The following ACYP2 variants were observed in gnomAD, a reference collection of about 807,000 sequenced individuals.
ACYP2 encodes the protein acylphosphatase-2.
In ACYP2, 12 loss-of-function variants were observed where a neutral mutation model predicts 11.2. The observed-to-expected ratio is 1.08, with a 90% CI of 0.69 to 1.74. ACYP2 has a LOEUF of 1.74. Ranked by LOEUF, ACYP2 falls within the 40% of genes most tolerant of loss-of-function variation. The pLI, the probability that ACYP2 is intolerant of heterozygous loss-of-function variation, is 0.00. For synonymous variants in ACYP2, 43 were observed against 32.2 expected, an observed-to-expected ratio of 1.33 and a Z score of -1.13; for missense variants, 134 against 101.9, an observed-to-expected ratio of 1.31 and a Z score of -1.35.
intron 6 of ACYP2, among the ~76,000 whole-genome samples, chr2:54,154,447 TG>T (rs1363327036): frequency 1.3e-5 from 2 of 152,226 alleles, no homozygotes; most frequent in Admixed American, 1.3e-4. Flanking sequence ...TTTATTATGT[TG>T]ATATACATTT....
intron 6 of ACYP2, among the ~76,000 whole-genome samples, chr2:54,275,916 A>G (rs1250589766): frequency 1.3e-5 from 2 of 152,192 alleles, no homozygotes; most frequent in Non-Finnish European, 2.9e-5. Flanking sequence ...ATCCCTAATT[A>G]TATGTATGAT....
chr2:54,111,802 C>T (rs13394575), intron 4 of ACYP2, among the ~76,000 whole-genome samples: 36,294 of 152,062 alleles, frequency 0.24, 4,939 homozygotes, highest in African/African-American at 0.37. Flanking sequence ...AGAAATATGC[C>T]GATGGATAAA....
chr2:54,209,348 T>C (rs1156653433), intron 6 of ACYP2, among the ~76,000 whole-genome samples: 1 of 152,190 alleles, frequency 6.6e-6, no homozygotes, highest in East Asian at 1.9e-4. Flanking sequence ...CTCTGGAAAA[T>C]TTGAATACCC....
In ACYP2 at chr2:54,077,698, A is replaced by G. The variant is rs77126418; in HGVS notation, c.277+20338A>G. 2.4e-3 allele frequency among the ~76,000 whole-genome samples: 362 copies of G among 152,326 alleles called. 7 individuals carry two copies. The East Asian group carries it at 0.066, about 28-fold the overall frequency. ...TCAAGGAGGCTAGAAAGTACAGAAT[A>G]GGGGAATAATCTGTGTGGGAGTTTG... is the stretch of plus-strand genomic sequence containing the variant. On this transcript the variant is annotated intron_variant, in intron 4 of 6. Coordinates refer to ENST00000607452, the MANE Select transcript of ACYP2 (RefSeq NM_001320586.2).
intron 6 of ACYP2, among the ~76,000 whole-genome samples, chr2:54,172,591 T>A (rs1037038270): frequency 2.9e-4 from 44 of 152,148 alleles, no homozygotes; most frequent in Non-Finnish European, 5.1e-4. Context: ...ACTCTACTAA[T>A]CTCTTTTTTC....
intron 2 of ACYP2, among the ~76,000 whole-genome samples, chr2:53,983,701 G>T (rs1310790508): frequency 6.6e-6 from 1 of 152,160 alleles, no homozygotes. Flanking sequence ...AGCTGCTTCA[G>T]ATATATCAAT....
At chr2:54,025,400 A>T (rs900941803) in intron 2 of ACYP2, among the ~76,000 whole-genome samples, 13 of 152,226 alleles carry the variant, frequency 8.5e-5, no homozygotes, top group African/African-American at 3.1e-4. Context: ...CCAGCAGAAC[A>T]GAATAGAGAA....
intron 6 of ACYP2, among the ~76,000 whole-genome samples, chr2:54,302,606 T>A (rs1689769262): frequency 6.6e-6 from 1 of 152,208 alleles, no homozygotes; most frequent in South Asian, 2.1e-4. Context: ...CCAAATTTTA[T>A]ATCCTCTAAC....
intron 4 of ACYP2, among the ~76,000 whole-genome samples, chr2:54,096,332 G>T (rs1472415463): frequency 7.0e-6 from 1 of 143,640 alleles, no homozygotes; most frequent in East Asian, 2.2e-4. Context: ...GGGCAGAGAC[G>T]CTCCTCACTT....
At chr2:54,000,065 T>C (rs913063815) in intron 2 of ACYP2, among the ~76,000 whole-genome samples, 25 of 152,106 alleles carry the variant, frequency 1.6e-4, no homozygotes, top group Admixed American at 1.6e-3. Flanking sequence ...ATTATATTAA[T>C]TTACTATCTG....
chr2:53,974,511 C>T (rs146600575), intron 2 of ACYP2, among the ~76,000 whole-genome samples: 1 of 152,048 alleles, frequency 6.6e-6, no homozygotes, highest in African/African-American at 2.4e-5. Flanking sequence ...ATTGAAGAAG[C>T]CTTAGAGTAG....
chr2:54,107,438 A>T (rs1679224888), intron 4 of ACYP2, among the ~76,000 whole-genome samples: 1 of 152,088 alleles, frequency 6.6e-6, no homozygotes, highest in South Asian at 2.1e-4. Context: ...GAAAATTTTA[A>T]TGCTCCTCTA....
intron 6 of ACYP2, among the ~76,000 whole-genome samples, chr2:54,174,701 C>G (rs1430888849): frequency 6.6e-6 from 1 of 152,150 alleles, no homozygotes; most frequent in Non-Finnish European, 1.5e-5. Flanking sequence ...TATTTTCCAT[C>G]AATACCTAGT....
chr2:54,014,620 C>T (rs1205598561), intron 2 of ACYP2, among the ~76,000 whole-genome samples: 5 of 152,058 alleles, frequency 3.3e-5, no homozygotes, highest in Non-Finnish European at 2.9e-5. Context: ...CGCTCCCAGC[C>T]GTCCCCTATG....
chr2:54,005,379 TC>T (rs1673011444), intron 2 of ACYP2, among the ~76,000 whole-genome samples: 1 of 151,984 alleles, frequency 6.6e-6, no homozygotes, highest in South Asian at 2.1e-4. Context: ...TTATTCTGTT[TC>T]CCAGGCTGGA....
At chr2:54,137,533 A>G (rs1379569329) in intron 5 of ACYP2, among the ~76,000 whole-genome samples, 1 of 151,584 alleles carries the variant, frequency 6.6e-6, no homozygotes, top group Non-Finnish European at 1.5e-5. Flanking sequence ...AACATGCAAT[A>G]TTTGGTTTCT....
intron 4 of ACYP2, among the ~76,000 whole-genome samples, chr2:54,099,300 C>T (rs1382924897): frequency 6.6e-6 from 1 of 152,168 alleles, no homozygotes; most frequent in African/African-American, 2.4e-5. Flanking sequence ...CACTTCGAAT[C>T]TACTCTCTTA....
rs540191193 is a variant in ACYP2 at position 54,182,388 on chromosome 2, C to T, written c.404+43640C>T. 7.2e-5 allele frequency among the ~76,000 whole-genome samples: 11 copies of T among 152,116 alleles called. No homozygotes were observed. In the South Asian group the frequency reaches 1.7e-3, roughly 23 times the overall value. ...ACAGAGTCTCACTCTGTTGCCCGGG[C>T]GGGAATACGGTTGCACAATCATGGT... On this transcript the variant is annotated intron_variant, in intron 6 of 6. Transcript: ENST00000607452.
chr2:53,982,452 C>T (rs1232114527), intron 2 of ACYP2, among the ~76,000 whole-genome samples: 2 of 152,098 alleles, frequency 1.3e-5, no homozygotes, highest in Non-Finnish European at 2.9e-5. Context: ...ATGAATGACA[C>T]AGTACCTGTC....
Sources: allele counts gnomAD v4.1 joint callset (sites outside exome capture counted in the v4.1 genomes callset), GRCh38; gene constraint gnomAD v4.1.1; transcripts MANE v1.5; gene names NCBI Gene and HGNC (gene_info 2026-07-23, HGNC 2026-07-21).